The following IL15 variants were observed in gnomAD, a reference collection of about 807,000 sequenced individuals.
The protein encoded by IL15 is interleukin 15.
Under a neutral mutation model 19.6 loss-of-function variants are expected in IL15, and 11 were observed. The ratio of observed to expected loss-of-function variants is 0.56; its 90% CI spans 0.35 to 0.93. IL15 has a LOEUF of 0.93. IL15 is among the 40% of genes least tolerant of loss of function. The probability of loss-of-function intolerance (pLI) is 0.01; values close to 1 mark genes in which losing one functional copy is unlikely to be tolerated. For missense variants in IL15, 197 were observed against 186.5 expected, an observed-to-expected ratio of 1.06 and a Z score of -0.33; for synonymous variants, 58 against 59.6, an observed-to-expected ratio of 0.97 and a Z score of 0.12.
At chr4:141,676,333 T>A (rs76134074) in intron 2 of IL15, among the ~76,000 whole-genome samples, 3,070 of 152,264 alleles carry the variant, frequency 0.02, 105 homozygotes, top group African/African-American at 0.069. Context: ...AGAAGCCCTA[T>A]TCTGCATTTG....
chr4:141,647,612 G>A (rs1727272073), intron 1 of IL15, among the ~76,000 whole-genome samples: 1 of 151,992 alleles, frequency 6.6e-6, no homozygotes, highest in South Asian at 2.1e-4. Flanking sequence ...GAATTGACCA[G>A]CTCCCAGGTC....
chr4:141,704,669 C>A, intron 2 of IL15: 1 of 269,356 alleles, frequency 3.7e-6, no homozygotes, highest in Non-Finnish European at 7.5e-6. Flanking sequence ...GCTTTCAGGT[C>A]CTGGTCTTTT....
intron 2 of IL15, chr4:141,715,277 A>T (rs1729844526): frequency 6.6e-6 from 1 of 152,474 alleles, no homozygotes; most frequent in African/African-American, 2.4e-5. Context: ...CTCATCTCAG[A>T]CTACTCTTGC....
At chr4:141,712,983 G>C (rs1033792100) in intron 2 of IL15, among the ~76,000 whole-genome samples, 1 of 151,402 alleles carries the variant, frequency 6.6e-6, no homozygotes, top group South Asian at 2.1e-4. Context: ...TAAACATATT[G>C]TGTAGCCTTA....
At chr4:141,704,136 C>T (rs1320128394) in intron 2 of IL15, among the ~76,000 whole-genome samples, 1 of 152,050 alleles carries the variant, frequency 6.6e-6, no homozygotes, top group East Asian at 1.9e-4. Flanking sequence ...TGTCTTTAAT[C>T]TTAGAAGAAA....
intron 1 of IL15, among the ~76,000 whole-genome samples, chr4:141,640,529 T>C (rs535448253): frequency 6.6e-6 from 1 of 152,320 alleles, no homozygotes; most frequent in Non-Finnish European, 1.5e-5. Context: ...GGTGATTTAA[T>C]GCTATTTATG....
At chr4:141,712,054 C>T (rs914262429) in intron 2 of IL15, among the ~76,000 whole-genome samples, 3 of 152,092 alleles carry the variant, frequency 2.0e-5, no homozygotes, top group African/African-American at 4.8e-5. Context: ...AATGTGAAAG[C>T]TTGTGTTCTA....
At chr4:141,727,573 T>C (rs1730311934) in intron 5 of IL15, among the ~76,000 whole-genome samples, 1 of 152,136 alleles carries the variant, frequency 6.6e-6, no homozygotes, top group Admixed American at 6.6e-5. Context: ...ATTTTGTGTC[T>C]TAACTGTGGT....
At chr4:141,647,454 G>T (rs1727265658) in intron 1 of IL15, among the ~76,000 whole-genome samples, 1 of 152,008 alleles carries the variant, frequency 6.6e-6, no homozygotes, top group African/African-American at 2.4e-5. Flanking sequence ...ATTAAGTAAA[G>T]AATTATTGGT....
chr4:141,721,530 T>A, intron 4 of IL15: 2 of 526,682 alleles, frequency 3.8e-6, no homozygotes, highest in South Asian at 1.6e-5. Context: ...ATTTTAAGAA[T>A]TTTACCTATT....
chr4:141,683,598 A>G (rs1353533291), intron 2 of IL15, among the ~76,000 whole-genome samples: 1 of 151,992 alleles, frequency 6.6e-6, no homozygotes, highest in East Asian at 1.9e-4. Context: ...AAAAAGAAAA[A>G]AAAACAATAG....
At chr4:141,721,312 G>T (rs998077233) in intron 4 of IL15, 2 of 640,638 alleles carry the variant, frequency 3.1e-6, no homozygotes, top group African/African-American at 1.8e-5. Context: ...AGTGTATTTT[G>T]TCTGGATATT....
At chr4:141,645,033 G>A (rs1036487906) in intron 1 of IL15, among the ~76,000 whole-genome samples, 6 of 152,154 alleles carry the variant, frequency 3.9e-5, no homozygotes, top group East Asian at 1.9e-4. Context: ...TTGCAGTGGC[G>A]TAGCCTGCTT....
chr4:141,691,007 T>C (rs996385249), intron 2 of IL15, among the ~76,000 whole-genome samples: 1 of 103,338 alleles, frequency 9.7e-6, no homozygotes, highest in Admixed American at 1.1e-4. Context: ...CATCTAAAAA[T>C]CCTATAATAC....
At chr4:141,700,340 G>A (rs1729241647) in intron 2 of IL15, among the ~76,000 whole-genome samples, 1 of 152,122 alleles carries the variant, frequency 6.6e-6, no homozygotes, top group African/African-American at 2.4e-5. Flanking sequence ...CTCAGTGTTT[G>A]TTTGTCTGAA....
chr4:141,703,541 C>T (rs1249533854), intron 2 of IL15, among the ~76,000 whole-genome samples: 1 of 152,002 alleles, frequency 6.6e-6, no homozygotes, highest in Non-Finnish European at 1.5e-5. Context: ...CTCCTGTGGC[C>T]TGGATTTTCA....
intron 5 of IL15, among the ~76,000 whole-genome samples, chr4:141,722,512 A>T (rs559058413): frequency 4.6e-5 from 7 of 152,232 alleles, no homozygotes; most frequent in Non-Finnish European, 1.0e-4. Context: ...GCATTAAAAA[A>T]TAGGTTAGAA....
chr4:141,667,956 G>A lies in IL15; in HGVS notation c.-100+11649G>A, dbSNP rs368051832. On this transcript the variant is annotated intron_variant, in intron 2 of 7. Transcript: ENST00000320650. Reference sequence around the variant, plus strand: ...TTCTGGTACAATAGGTTAATATTCTGTGAAAACCAACCTGACATTCTTAAC... The same window carrying A: ...TTCTGGTACAATAGGTTAATATTCTATGAAAACCAACCTGACATTCTTAAC... Among the ~76,000 whole-genome samples the A allele has an allele frequency of 1.7e-3, 263 of 152,208 alleles. 5 individuals carry two copies. The South Asian group carries it at 0.051, about 29-fold the overall frequency.
intron 2 of IL15, among the ~76,000 whole-genome samples, chr4:141,683,100 T>A (rs1198145169): frequency 6.7e-6 from 1 of 148,506 alleles, no homozygotes; most frequent in African/African-American, 2.5e-5. Flanking sequence ...GAAACCCCGT[T>A]TCTACTAAAA....
Sources: allele counts gnomAD v4.1 joint callset (sites outside exome capture counted in the v4.1 genomes callset), GRCh38; gene constraint gnomAD v4.1.1; transcripts MANE v1.5; gene names NCBI Gene and HGNC (gene_info 2026-07-23, HGNC 2026-07-21).